Variants in ROCK2 observed in about 807,000 individuals in gnomAD.
The protein encoded by ROCK2 is Rho associated coiled-coil containing protein kinase 2, also known as rho-associated protein kinase 2.
In ROCK2, 61 loss-of-function variants were observed where a neutral mutation model predicts 195.1. The ratio of observed to expected loss-of-function variants is 0.31; its 90% CI spans 0.25 to 0.39. ROCK2 has a LOEUF of 0.39. ROCK2 is among the 10% of genes least tolerant of loss of function. The pLI is 1.00. For synonymous variants in ROCK2, 504 were observed against 545.5 expected, an observed-to-expected ratio of 0.92 and a Z score of 1.06; for missense variants, 1,109 against 1,637.4, an observed-to-expected ratio of 0.68 and a Z score of 5.57.
chr2:11,323,935 C>T (rs1476319635), intron 1 of ROCK2, among the ~76,000 whole-genome samples: 1 of 152,150 alleles, frequency 6.6e-6, no homozygotes, highest in Non-Finnish European at 1.5e-5. Context: ...TAACCTGTAT[C>T]CACCATTATA....
Position 11,215,533 on chromosome 2 carries a change from T to C in ROCK2, c.1574A>G (p.Lys525Arg), listed in dbSNP as rs762340837. ...YQRKADHEADKKRNLENDVNS... is the reference protein window; with the variant it reads ...YQRKADHEADRKRNLENDVNS... ...ACCATCATTTTCCAAATTTCGTTTTTTGTCTGCTTCATGATCAGCTTTCCT... is the reference window on the plus strand; with the variant it reads ...ACCATCATTTTCCAAATTTCGTTTTCTGTCTGCTTCATGATCAGCTTTCCT... Residue 525 changes from lysine to arginine, a missense_variant, in exon 14 of 33, where the codon AAA becomes AGA. Transcript: ENST00000315872. 1.9e-6 allele frequency: 3 copies of C among 1,611,154 alleles called. No individual in the cohort carries two copies. The highest frequency in any genetic ancestry group is 2.5e-6 in the Non-Finnish European group (3 of 1,179,298).
intron 4 of ROCK2, among the ~76,000 whole-genome samples, chr2:11,248,582 GC>G (rs1665705886): frequency 1.3e-5 from 2 of 151,362 alleles, no homozygotes; most frequent in South Asian, 4.2e-4. Flanking sequence ...GGTGGCAGAT[GC>G]CTGTAGTCCC....
At chr2:11,306,509 G>A (rs1667864518) in intron 1 of ROCK2, among the ~76,000 whole-genome samples, 1 of 152,034 alleles carries the variant, frequency 6.6e-6, no homozygotes. Context: ...TATTTTATCT[G>A]CTTTGTTCAC....
At chr2:11,316,893 G>C (rs1194012817) in intron 1 of ROCK2, among the ~76,000 whole-genome samples, 2 of 151,320 alleles carry the variant, frequency 1.3e-5, no homozygotes, top group African/African-American at 4.8e-5. Flanking sequence ...ACTTAGAATA[G>C]ACTAGAAGGG....
At position 11,190,246 on chromosome 2, in the gene ROCK2, GTTTT is replaced by G. The variant is rs1368234287; in HGVS notation, c.4163+1898_4163+1901del. On this transcript the variant is annotated intron_variant, in intron 32 of 32. Transcript: ENST00000315872. The stretch of plus-strand genomic sequence containing the variant: ...CATTTTACAGTCAATTTTGATATTA[GTTTT>G]ATTTACATGCAGATATGAGGGAAAG... Among the ~76,000 whole-genome samples, 4 of 151,862 alleles carry G rather than the reference GTTTT, an allele frequency of 2.6e-5. No homozygotes were observed. In the East Asian group the frequency reaches 7.7e-4, roughly 29 times the overall value.
At chr2:11,310,479 C>A (rs1562748) in intron 1 of ROCK2, among the ~76,000 whole-genome samples, 123,028 of 152,110 alleles carry the variant, frequency 0.81, 51,336 homozygotes, top group East Asian at 0.99. Context: ...GAATTCCTGG[C>A]GTACACAACT....
intron 3 of ROCK2, among the ~76,000 whole-genome samples, chr2:11,261,267 T>C (rs1168837568): frequency 1.3e-5 from 2 of 152,234 alleles, no homozygotes; most frequent in Non-Finnish European, 2.9e-5. Context: ...CAAATATCTA[T>C]ACCATACCTT....
chr2:11,218,356 T>C (rs1664504198), intron 11 of ROCK2, 99 bp downstream of exon 11: 3 of 793,452 alleles, frequency 3.8e-6, no homozygotes, highest in Non-Finnish European at 5.9e-6. Context: ...TGGGTAGATG[T>C]AGTACTCCAA....
chr2:11,272,019 C>T, intron 3 of ROCK2, among the ~76,000 whole-genome samples: 1 of 113,776 alleles, frequency 8.8e-6, no homozygotes, highest in East Asian at 2.5e-4. Context: ...GACTCCATCT[C>T]AAAAAAAAAA....
At position 11,194,243 on chromosome 2, in the gene ROCK2, CA is replaced by C; in HGVS notation, c.3608+12del. 1.7e-6 allele frequency: 2 copies of C among 1,196,178 alleles called. No individual in the cohort carries two copies. Among genetic ancestry groups the C allele is most frequent in the Non-Finnish European group, 1.2e-6 (1 of 859,022 alleles). The allele number at this position is 1,196,178 out of a possible 1,614,324, so 74.1% of individuals were successfully genotyped here. On this transcript the variant is annotated intron_variant, in intron 29 of 32. Transcript: ENST00000315872. Reference sequence around the variant, plus strand: ...AAGATATAGTTTCTAAATATTCTAACAAAAACACTTACTCTATATCTAAAAC... The same window carrying C: ...AAGATATAGTTTCTAAATATTCTAACAAAACACTTACTCTATATCTAAAAC...
At position 11,214,846 on chromosome 2, in the gene ROCK2, A is replaced by T; in HGVS notation, c.1930T>A (p.Leu644Ile). The T allele has an allele frequency of 6.2e-7, 1 of 1,606,728 alleles. No homozygotes were observed. Among genetic ancestry groups the T allele is most frequent in the Non-Finnish European group, 8.5e-7 (1 of 1,177,454 alleles). ...RTHGSEIINDLQGRICGLEED... is the reference protein window; with the variant it reads ...RTHGSEIINDIQGRICGLEED... ...GCAACCACGACTTCAATACCTTGTA[A>T]ATCATTAATTATCTCTGATCCATGG... Residue 644 changes from leucine to isoleucine, a missense_variant, in exon 16 of 33, where the codon TTA becomes ATA. By Grantham distance (5) the Leu-to-Ile change is conservative. Around this residue, in one of 6 missense-constraint regions of ROCK2, gnomAD observed 542 missense variants for 672.0 expected, o/e 0.81. Coordinates refer to ENST00000315872, the MANE Select transcript of ROCK2 (RefSeq NM_004850.5).
In ROCK2 at chr2:11,201,485, G is replaced by A; in HGVS notation, c.2620-72C>T. The A allele has an allele frequency of 1.2e-6, 1 of 839,230 alleles. No individual in the cohort carries two copies. The highest frequency in any genetic ancestry group is 2.1e-5 in the Admixed American group (1 of 48,044). The allele number at this position is 839,230 out of a possible 1,614,324, so 52.0% of individuals were successfully genotyped here. A position where few individuals can be genotyped will look rare whatever the true frequency, so the allele number is the denominator to read the frequency against. ...TACTTCTACATTCAAAAGCTATTCA[G>A]ACAAAAAGGAGAATGAACACATACA... is the stretch of plus-strand genomic sequence containing the variant. On this transcript the variant is annotated intron_variant, in intron 21 of 32. Coordinates refer to ENST00000315872, the MANE Select transcript of ROCK2 (RefSeq NM_004850.5). This position sits in a 1 kb window ranked among gnomAD's most constrained non-coding sequence, Gnocchi z 4.6.
At chr2:11,336,530 C>A (rs1371776385) in intron 1 of ROCK2, among the ~76,000 whole-genome samples, 1 of 151,348 alleles carries the variant, frequency 6.6e-6, no homozygotes, top group Non-Finnish European at 1.5e-5. Context: ...GTATTACAGG[C>A]ATGAACCACT....
chr2:11,250,577 A>C (rs920493548), intron 3 of ROCK2, among the ~76,000 whole-genome samples: 1 of 152,204 alleles, frequency 6.6e-6, no homozygotes, highest in Non-Finnish European at 1.5e-5. Context: ...TGAAACTCCT[A>C]ATCTTCACCC....
intron 18 of ROCK2, 68 bp from the exon 19 acceptor site, chr2:11,208,515 T>TA (rs1440593889): frequency 3.4e-6 from 3 of 878,806 alleles, no homozygotes; most frequent in Non-Finnish European, 4.8e-6. Flanking sequence ...AATTTGTAAG[T>TA]AAAAGCACAT....
At chr2:11,269,858 C>T (rs1452794353) in intron 3 of ROCK2, among the ~76,000 whole-genome samples, 1 of 152,162 alleles carries the variant, frequency 6.6e-6, no homozygotes, top group African/African-American at 2.4e-5. Flanking sequence ...TCAAGCAATC[C>T]TGCCACTTCA....
At chr2:11,277,760 T>A (rs1047177768) in intron 3 of ROCK2, among the ~76,000 whole-genome samples, 1 of 152,214 alleles carries the variant, frequency 6.6e-6, no homozygotes, top group South Asian at 2.1e-4. Flanking sequence ...TCCCAAGATT[T>A]TGCAATTGTG....
chr2:11,224,292 T>C, intron 7 of ROCK2, 30 bp downstream of exon 7: 1 of 1,568,810 alleles, frequency 6.4e-7, no homozygotes, highest in East Asian at 2.3e-5. Context: ...CATAAAGGGC[T>C]TCTCTACAAA....
At position 11,207,766 on chromosome 2, in the gene ROCK2, T is replaced by A. The variant is rs373352683; in HGVS notation, c.2509A>T (p.Met837Leu). The A allele has an allele frequency of 1.9e-6, 3 of 1,607,824 alleles. No individual in the cohort carries two copies. In the Middle Eastern group the frequency reaches 5.0e-4, roughly 267 times the overall value. ...TTTTGTTTTTCCAAGTTCATTTTCA[T>A]TTCCATGAGATGGTTATTTTCTTGC... ...LKQENNHLME[M>L]KMNLEKQNAE... The change falls in exon 20 of 33, where the codon ATG becomes TTG. Residue 837 changes from methionine to leucine, a missense_variant. Around this residue, in one of 6 missense-constraint regions of ROCK2, gnomAD observed 542 missense variants for 672.0 expected, o/e 0.81. Transcript: ENST00000315872.
Sources: gnomAD v4.1 joint callset for allele counts (sites outside exome capture counted in the v4.1 genomes callset) on GRCh38, gnomAD v4.1.1 for gene constraint, gnomAD v4.1.1 regional missense constraint, Gnocchi (gnomAD v3.1) non-coding constraint, MANE v1.5 for transcripts, NCBI Gene and HGNC (gene_info 2026-07-23, HGNC 2026-07-21) for gene names.